The following PRICKLE1 variants were observed in gnomAD, a reference collection of about 807,000 sequenced individuals.
PRICKLE1 encodes the protein prickle planar cell polarity protein 1, also known as prickle-like protein 1.
A neutral mutation model predicts 70.2 loss-of-function variants in PRICKLE1; 14 were observed. The observed-to-expected ratio is 0.20, with a 90% confidence interval of 0.13 to 0.31. The LOEUF (loss-of-function observed/expected upper bound fraction) is 0.31. PRICKLE1 is among the 10% of genes least tolerant of loss of function. The probability of loss-of-function intolerance (pLI) is 1.00; values close to 1 mark genes in which losing one functional copy is unlikely to be tolerated. For synonymous variants in PRICKLE1, 357 were observed against 379.9 expected (o/e 0.94, Z 0.70); for missense variants, 821 against 1,026.2 (o/e 0.80, Z 2.73).
chr12:42,459,583 A>G lies in PRICKLE1; in HGVS notation c.*226T>C. On this transcript the variant is annotated 3_prime_UTR_variant, in exon 8 of 8. Coordinates refer to ENST00000345127, the MANE Select transcript of PRICKLE1 (RefSeq NM_153026.3). ...TCCATCTGTAACGCACCCGCACCGG[A>G]CAGGCACGAGATGTCACGTCCACCT... is the stretch of plus-strand genomic sequence containing the variant. 1.6e-6 allele frequency: 1 copy of G among 636,642 alleles called. No individual in the cohort carries two copies. The highest frequency in any genetic ancestry group is 2.8e-6 in the Non-Finnish European group (1 of 362,774). 39.4% of individuals were successfully genotyped at this position (636,642 alleles called of 1,614,324 possible).
chr12:42,506,488 C>G (rs1939418624), intron 1 of PRICKLE1, among the ~76,000 whole-genome samples: 1 of 151,072 alleles, frequency 6.6e-6, no homozygotes, highest in Non-Finnish European at 1.5e-5. Flanking sequence ...AACTCCTGAC[C>G]CCAGGTGACC....
At chr12:42,476,193 C>CTT (rs530875710) in intron 1 of PRICKLE1, among the ~76,000 whole-genome samples, 94 of 138,220 alleles carry the variant, frequency 6.8e-4, no homozygotes, top group African/African-American at 2.4e-3. Context: ...TTTCTTTTTT[C>CTT]TTTTTTTTTT....
At chr12:42,462,645 G>A (rs939385970) in intron 7 of PRICKLE1, among the ~76,000 whole-genome samples, 1 of 152,118 alleles carries the variant, frequency 6.6e-6, no homozygotes, top group African/African-American at 2.4e-5. Flanking sequence ...ACAGAAGCCG[G>A]GGGGGTAGCT....
chr12:42,531,129 C>T (rs1939910272), intron 1 of PRICKLE1, among the ~76,000 whole-genome samples: 1 of 21,076 alleles, frequency 4.7e-5, no homozygotes, highest in African/African-American at 8.5e-5. Context: ...TCACTGCAAG[C>T]TCCGCCTCCC....
chr12:42,521,716 T>C (rs1939711767), intron 1 of PRICKLE1, among the ~76,000 whole-genome samples: 1 of 151,636 alleles, frequency 6.6e-6, no homozygotes, highest in African/African-American at 2.4e-5. Flanking sequence ...AAAAAAGCCA[T>C]TAACAGTAGA....
chr12:42,502,943 T>C (rs934347328), intron 1 of PRICKLE1, among the ~76,000 whole-genome samples: 1 of 152,214 alleles, frequency 6.6e-6, no homozygotes, highest in Non-Finnish European at 1.5e-5. Context: ...AAATTAAAGA[T>C]GTTTTAAAGG....
At chr12:42,462,077 T>C (rs2464837) in intron 7 of PRICKLE1, among the ~76,000 whole-genome samples, 146,895 of 152,304 alleles carry the variant, frequency 0.96, 71,090 homozygotes, top group Middle Eastern at 1. Flanking sequence ...GGATTACAGG[T>C]GTGAGCCACC....
In PRICKLE1 at chr12:42,460,394, G is replaced by C; in HGVS notation, c.1911C>G (p.Val637=). ...CAATGTCATAGTTCCCATTGTCAAT[G>C]ACATCATCAGAAAACTTGACCTGCT... ...RPQQVKFSDD[V]IDNGNYDIEI... The change falls in exon 8 of 8, where the codon GTC becomes GTG. Residue 637 remains valine (V), a synonymous_variant. Transcript: ENST00000345127. 1 of 1,614,102 alleles carries C rather than the reference G, an allele frequency of 6.2e-7. No homozygotes were observed. The highest frequency in any genetic ancestry group is 1.3e-5 in the African/African-American group (1 of 75,018).
At chr12:42,477,480 GTGTATATATATATATATATATA>G (rs1444314467) in intron 1 of PRICKLE1, among the ~76,000 whole-genome samples, 8 of 69,062 alleles carry the variant, frequency 1.2e-4, no homozygotes, top group Non-Finnish European at 2.0e-4. Context: ...GTGTGTGTGT[GTGTATATATATATATATATATA>G]TATATATATA....
chr12:42,488,593 T>C (rs753498007), intron 1 of PRICKLE1, among the ~76,000 whole-genome samples: 2 of 152,216 alleles, frequency 1.3e-5, no homozygotes, highest in African/African-American at 2.4e-5. Context: ...GATACACTCT[T>C]AAATTTCACT....
chr12:42,512,980 T>G (rs1939541788), intron 1 of PRICKLE1, among the ~76,000 whole-genome samples: 1 of 151,720 alleles, frequency 6.6e-6, no homozygotes, highest in South Asian at 2.1e-4. Flanking sequence ...TTATTGTTAT[T>G]TTTATATGTA....
chr12:42,512,232 G>A (rs574803795), intron 1 of PRICKLE1, among the ~76,000 whole-genome samples: 18 of 152,268 alleles, frequency 1.2e-4, no homozygotes, highest in South Asian at 4.1e-4. Context: ...GTGCAGTGGC[G>A]TGATCTTAGT....
At chr12:42,521,665 C>A (rs2120477118) in intron 1 of PRICKLE1, among the ~76,000 whole-genome samples, 1 of 151,974 alleles carries the variant, frequency 6.6e-6, no homozygotes, top group East Asian at 1.9e-4. Context: ...TGCACCACTG[C>A]ACTCCAGCTT....
chr12:42,508,503 C>T (rs567492686), intron 1 of PRICKLE1, among the ~76,000 whole-genome samples: 21 of 152,174 alleles, frequency 1.4e-4, no homozygotes, highest in Non-Finnish European at 2.5e-4. Context: ...GTTTTATACA[C>T]GGGTATATAA....
At chr12:42,545,875 T>C (rs532399201) in intron 1 of PRICKLE1, among the ~76,000 whole-genome samples, 2 of 148,740 alleles carry the variant, frequency 1.3e-5, no homozygotes, top group African/African-American at 4.9e-5. Context: ...AAAATATATA[T>C]ATGGAAGGAA....
At chr12:42,534,482 T>G (rs1263657516) in intron 1 of PRICKLE1, among the ~76,000 whole-genome samples, 1 of 152,144 alleles carries the variant, frequency 6.6e-6, no homozygotes, top group African/African-American at 2.4e-5. Context: ...TTATTATCAT[T>G]AACAACAGAA....
At chr12:42,537,846 A>T (rs1280562996) in intron 1 of PRICKLE1, among the ~76,000 whole-genome samples, 2 of 152,248 alleles carry the variant, frequency 1.3e-5, no homozygotes, top group Non-Finnish European at 2.9e-5. Flanking sequence ...TGTTCAAAGA[A>T]GCATTCTTTC....
intron 1 of PRICKLE1, among the ~76,000 whole-genome samples, chr12:42,473,318 G>A (rs1396340926): frequency 1.3e-5 from 2 of 152,188 alleles, no homozygotes; most frequent in African/African-American, 4.8e-5. Flanking sequence ...ATCATAAGCA[G>A]GCATTCGCTG....
chr12:42,541,642 A>C (rs1020488203), intron 1 of PRICKLE1, among the ~76,000 whole-genome samples: 1 of 151,712 alleles, frequency 6.6e-6, no homozygotes, highest in African/African-American at 2.4e-5. Flanking sequence ...CTGGACCCCC[A>C]CTCTTCCTTT....
Sources: gnomAD v4.1 joint callset for allele counts (sites outside exome capture counted in the v4.1 genomes callset) on GRCh38, gnomAD v4.1.1 for gene constraint, MANE v1.5 for transcripts, NCBI Gene and HGNC (gene_info 2026-07-23, HGNC 2026-07-21) for gene names.